CCDC141: variants seen among roughly 807,000 people sequenced by gnomAD.
CCDC141 encodes coiled-coil domain-containing protein 141.
In CCDC141, 168 loss-of-function variants were observed where a neutral mutation model predicts 181.0. The ratio of observed to expected loss-of-function variants is 0.93; its 90% CI spans 0.82 to 1.05. The LOEUF is 1.05. CCDC141 is among the 50% of genes least tolerant of loss of function. The pLI is 0.00. For missense variants in CCDC141, 1,902 were observed against 1,788.5 expected (o/e 1.06, Z -1.14); for synonymous variants, 666 against 642.3 (o/e 1.04, Z -0.56).
At position 179,015,115 on chromosome 2, in the gene CCDC141, A is replaced by AT. The variant is rs1170733701; in HGVS notation, c.225+32168_225+32169insA. On this transcript the variant is annotated intron_variant, in intron 2 of 23. Transcript: ENST00000443758. Reference sequence around the variant, plus strand: ...ATATATATATATATAATATATATATAATCATATATATATATCATATCATAT... The same window carrying AT: ...ATATATATATATATAATATATATATATATCATATATATATATCATATCATAT... Among the ~76,000 whole-genome samples the AT allele has an allele frequency of 6.2e-3, 156 of 24,984 alleles. 9 individuals carry two copies. The highest frequency in any genetic ancestry group is 0.016 in the Non-Finnish European group (115 of 7,408). The allele number at this position is 24,984 out of a possible 152,430, so 16.4% of individuals were successfully genotyped here.
intron 13 of CCDC141, 58 bp from the exon 14 acceptor site, chr2:178,871,610 G>A: frequency 6.3e-7 from 1 of 1,592,704 alleles, no homozygotes; most frequent in Non-Finnish European, 8.6e-7. Context: ...CAGCAAATTT[G>A]ATCATTCTAG....
intron 6 of CCDC141, among the ~76,000 whole-genome samples, chr2:178,926,902 A>G (rs1688929098): frequency 6.6e-6 from 1 of 152,208 alleles, no homozygotes; most frequent in Admixed American, 6.5e-5. Flanking sequence ...TACCCCATAA[A>G]TATGTACAAT....
intron 14 of CCDC141, among the ~76,000 whole-genome samples, chr2:178,869,969 C>T (rs1217698691): frequency 6.6e-6 from 1 of 152,122 alleles, no homozygotes; most frequent in African/African-American, 2.4e-5. Flanking sequence ...TGGTGGCTCA[C>T]GCCTGTAATC....
intron 2 of CCDC141, among the ~76,000 whole-genome samples, chr2:178,996,378 A>C (rs549193973): frequency 9.9e-5 from 15 of 152,256 alleles, no homozygotes; most frequent in African/African-American, 2.6e-4. Flanking sequence ...GCACCTGGCC[A>C]AAATTGGAAA....
chr2:178,902,687 T>C (rs557720591), intron 8 of CCDC141, among the ~76,000 whole-genome samples: 3 of 151,554 alleles, frequency 2.0e-5, no homozygotes, highest in East Asian at 2.0e-4. Flanking sequence ...ATTCAGGACA[T>C]AGGCATGGGC....
chr2:178,987,336 T>G (rs1425002829), intron 2 of CCDC141, among the ~76,000 whole-genome samples: 1 of 152,008 alleles, frequency 6.6e-6, no homozygotes, highest in Non-Finnish European at 1.5e-5. Flanking sequence ...ATTAAAGACT[T>G]AAACATTAGA....
intron 6 of CCDC141, among the ~76,000 whole-genome samples, chr2:178,921,329 T>C (rs187643423): frequency 6.6e-6 from 1 of 152,364 alleles, no homozygotes; most frequent in East Asian, 1.9e-4. Flanking sequence ...GTACAATTTC[T>C]GGCACACATA....
chr2:178,950,066 G>C (rs1689887285), intron 5 of CCDC141, among the ~76,000 whole-genome samples: 1 of 152,206 alleles, frequency 6.6e-6, no homozygotes, highest in East Asian at 1.9e-4. Flanking sequence ...TGCTTAAGGG[G>C]AGATGAAAAT....
Position 178,837,491 on chromosome 2 carries a change from C to T in CCDC141, c.3728G>A (p.Ser1243Asn), listed in dbSNP as rs781508095. The T allele has an allele frequency of 1.3e-5, 21 of 1,613,934 alleles. No homozygotes were observed. Among genetic ancestry groups the T allele is most frequent in the East Asian group, 4.5e-5 (2 of 44,852 alleles). ...CACCCCATAGCTGCTTATGTGAAGG[C>T]TGAGGGAGGAGCTGACAGGCTCTTC... is the stretch of plus-strand genomic sequence containing the variant. ...EVEEPVSSSL[S>N]LHISSYGVQA... Residue 1243 changes from serine (S) to asparagine (N), a missense_variant, in exon 23 of 24, where the codon AGC (serine) becomes AAC (asparagine). Physicochemically the swap from Ser to Asn is conservative, Grantham distance 46. Coordinates refer to ENST00000443758, the MANE Select transcript of CCDC141 (RefSeq NM_173648.4).
intron 2 of CCDC141, among the ~76,000 whole-genome samples, chr2:178,983,805 T>G (rs1233932894): frequency 1.3e-5 from 2 of 151,302 alleles, no homozygotes; most frequent in African/African-American, 2.4e-5. Flanking sequence ...CCAAGAAATA[T>G]GGGACTATGT....
chr2:178,939,977 G>A (rs1190286205), intron 6 of CCDC141, among the ~76,000 whole-genome samples: 3 of 152,170 alleles, frequency 2.0e-5, no homozygotes, highest in African/African-American at 7.2e-5. Context: ...CTGAAATACA[G>A]AAGAAGCAGA....
At chr2:178,951,614 G>A (rs1225527569) in intron 5 of CCDC141, among the ~76,000 whole-genome samples, 1 of 152,160 alleles carries the variant, frequency 6.6e-6, no homozygotes, top group Non-Finnish European at 1.5e-5. Context: ...TCATGAGAAT[G>A]AGGGAAGAGG....
intron 5 of CCDC141, among the ~76,000 whole-genome samples, chr2:178,957,362 A>G (rs1489995651): frequency 6.6e-6 from 1 of 152,354 alleles, no homozygotes; most frequent in African/African-American, 2.4e-5. Context: ...TGAAACAGCA[A>G]CGAGACACCA....
At chr2:178,958,714 T>G in intron 5 of CCDC141, among the ~76,000 whole-genome samples, 1 of 658 alleles carries the variant, frequency 1.5e-3, no homozygotes, top group East Asian at 0.5. Context: ...TTTTTCCCCT[T>G]TTTTTTGTTT....
At chr2:178,981,169 T>A (rs1691371505) in intron 2 of CCDC141, among the ~76,000 whole-genome samples, 2 of 152,186 alleles carry the variant, frequency 1.3e-5, no homozygotes, top group South Asian at 4.1e-4. Context: ...AACATCCTTC[T>A]ATCAGTAATC....
chr2:178,979,924 G>C (rs1691291186), intron 2 of CCDC141, among the ~76,000 whole-genome samples: 1 of 152,068 alleles, frequency 6.6e-6, no homozygotes. Context: ...CTAACCTTAT[G>C]CTCAGATAAA....
intron 2 of CCDC141, among the ~76,000 whole-genome samples, chr2:179,010,681 C>T (rs962923443): frequency 2.6e-5 from 4 of 152,170 alleles, no homozygotes; most frequent in African/African-American, 9.6e-5. Flanking sequence ...GGAAACACAA[C>T]AAAACAGAAC....
chr2:178,841,741 T>C (rs1684731776), intron 22 of CCDC141, among the ~76,000 whole-genome samples: 1 of 152,204 alleles, frequency 6.6e-6, no homozygotes, highest in Non-Finnish European at 1.5e-5. Flanking sequence ...ATCTCCCAAG[T>C]TCAAATGATT....
At chr2:178,920,547 C>T (rs13019110) in intron 6 of CCDC141, among the ~76,000 whole-genome samples, 60,059 of 151,912 alleles carry the variant, frequency 0.4, 13,895 homozygotes, top group Non-Finnish European at 0.54. Flanking sequence ...CATGGCAAAA[C>T]CCTGTCTCTA....
Sources: gnomAD v4.1 joint callset for allele counts (sites outside exome capture counted in the v4.1 genomes callset) on GRCh38, gnomAD v4.1.1 for gene constraint, MANE v1.5 for transcripts, NCBI Gene and HGNC (gene_info 2026-07-23, HGNC 2026-07-21) for gene names.